The following REEP5 variants were observed in gnomAD, a reference collection of about 807,000 sequenced individuals.
REEP5 encodes the protein receptor accessory protein 5.
A neutral mutation model predicts 22.4 loss-of-function variants in REEP5; 24 were observed. That is an observed-to-expected ratio of 1.07 (90% confidence interval 0.78 to 1.51). The LOEUF is 1.51. REEP5 is among the 40% of genes most tolerant of loss of function. The probability of loss-of-function intolerance (pLI) is 0.00; values close to 1 mark genes in which losing one functional copy is unlikely to be tolerated. For missense variants in REEP5, 252 were observed against 233.0 expected (o/e 1.08, Z -0.53); for synonymous variants, 103 against 88.6 (o/e 1.16, Z -0.92).
At chr5:112,908,405 G>A (rs944703138) in intron 2 of REEP5, among the ~76,000 whole-genome samples, 1 of 152,092 alleles carries the variant, frequency 6.6e-6, no homozygotes, top group Non-Finnish European at 1.5e-5. Context: ...GCCTGGCTGA[G>A]CATCAGACTT....
intron 2 of REEP5, among the ~76,000 whole-genome samples, chr5:112,909,335 T>C (rs1190305002): frequency 6.6e-6 from 1 of 151,148 alleles, no homozygotes; most frequent in Non-Finnish European, 1.5e-5. Flanking sequence ...TTAACAGGTA[T>C]TAATTATAGT....
intron 3 of REEP5, chr5:112,892,958 G>A (rs775317900): frequency 4.4e-6 from 7 of 1,594,102 alleles, no homozygotes; most frequent in Middle Eastern, 1.7e-4. Context: ...GACCAGGGCC[G>A]CCGGAGCCAG....
chr5:112,891,662 C>T (rs1294597665), intron 3 of REEP5: 11 of 1,611,652 alleles, frequency 6.8e-6, no homozygotes, highest in East Asian at 4.5e-5. Flanking sequence ...GAGAAGATGA[C>T]GTTTCCCAAG....
At chr5:112,915,769 A>C (rs1403710832) in intron 2 of REEP5, among the ~76,000 whole-genome samples, 3 of 152,176 alleles carry the variant, frequency 2.0e-5, no homozygotes, top group African/African-American at 7.2e-5. Context: ...AACAAAGCAC[A>C]TATAGATCCA....
chr5:112,891,826 C>G (rs1484750380), intron 3 of REEP5: 8 of 1,578,044 alleles, frequency 5.1e-6, no homozygotes, highest in Non-Finnish European at 7.0e-6. Flanking sequence ...AGAACAACAA[C>G]TAGAAGAAGA....
chr5:112,915,571 A>T (rs1184496105), intron 2 of REEP5, among the ~76,000 whole-genome samples: 1 of 152,248 alleles, frequency 6.6e-6, no homozygotes, highest in Non-Finnish European at 1.5e-5. Flanking sequence ...AATGCTTAAG[A>T]TTTCAGATTT....
At chr5:112,901,659 C>T (rs1276825381) in intron 3 of REEP5, among the ~76,000 whole-genome samples, 2 of 150,416 alleles carry the variant, frequency 1.3e-5, no homozygotes, top group South Asian at 2.1e-4. Context: ...TTGCAGTGAG[C>T]GGAGATTGTA....
intron 3 of REEP5, among the ~76,000 whole-genome samples, chr5:112,900,602 G>T (rs1340392307): frequency 6.6e-6 from 1 of 152,026 alleles, no homozygotes; most frequent in Non-Finnish European, 1.5e-5. Flanking sequence ...GGGGTAGAAG[G>T]GGACTGTACA....
At chr5:112,920,168 G>A (rs552118539) in intron 2 of REEP5, among the ~76,000 whole-genome samples, 3 of 152,248 alleles carry the variant, frequency 2.0e-5, no homozygotes, top group Non-Finnish European at 2.9e-5. Flanking sequence ...ACAACTACTA[G>A]GTAACTGCAA....
At chr5:112,906,545 A>C (rs1768959682) in intron 2 of REEP5, among the ~76,000 whole-genome samples, 1 of 152,156 alleles carries the variant, frequency 6.6e-6, no homozygotes, top group African/African-American at 2.4e-5. Context: ...TCATAGTCTC[A>C]GTGTCCAGAT....
At chr5:112,904,963 T>C (rs1407666639) in intron 2 of REEP5, among the ~76,000 whole-genome samples, 1 of 152,126 alleles carries the variant, frequency 6.6e-6, no homozygotes, top group Non-Finnish European at 1.5e-5. Context: ...TGATCACAAC[T>C]TTGCAGAAAA....
chr5:112,879,328 G>T (rs1419358050), intron 4 of REEP5, among the ~76,000 whole-genome samples: 1 of 37,184 alleles, frequency 2.7e-5, no homozygotes, highest in Non-Finnish European at 4.6e-5. Context: ...ATGTGTTTGG[G>T]GGGGGGGGCT....
At chr5:112,919,172 G>C (rs536371594) in intron 2 of REEP5, among the ~76,000 whole-genome samples, 1 of 152,282 alleles carries the variant, frequency 6.6e-6, no homozygotes, top group Non-Finnish European at 1.5e-5. Context: ...TCTGAATGTT[G>C]TGTTCCCCCA....
intron 3 of REEP5, chr5:112,896,329 G>A (rs527560213): frequency 2.0e-5 from 3 of 152,466 alleles, no homozygotes; most frequent in Non-Finnish European, 4.4e-5. Flanking sequence ...TTTGAGACCA[G>A]CCTGGCCAAC....
chr5:112,892,631 G>A lies in REEP5; in HGVS notation c.352-5448C>T, dbSNP rs747921634. On this transcript the variant is annotated intron_variant, in intron 3 of 4. Transcript: ENST00000379638. ...CAACAATGTCCAAGAGGAAAACACT[G>A]CAACTTTCTTCATGTGTTCAGAAAT... 5 of 1,614,020 alleles carry A rather than the reference G, an allele frequency of 3.1e-6. No individual in the cohort carries two copies. In the African/African-American group the frequency reaches 6.7e-5, roughly 22 times the overall value.
intron 3 of REEP5, among the ~76,000 whole-genome samples, chr5:112,899,876 C>T (rs1768803289): frequency 6.6e-6 from 1 of 152,186 alleles, no homozygotes; most frequent in Non-Finnish European, 1.5e-5. Context: ...CATACCAAAT[C>T]AGAAACTCTA....
At chr5:112,914,681 G>A (rs1769193255) in intron 2 of REEP5, among the ~76,000 whole-genome samples, 1 of 152,132 alleles carries the variant, frequency 6.6e-6, no homozygotes, top group African/African-American at 2.4e-5. Flanking sequence ...AACTTAGAAG[G>A]GGAACAACCT....
intron 2 of REEP5, among the ~76,000 whole-genome samples, chr5:112,920,679 G>A (rs2150049764): frequency 6.6e-6 from 1 of 152,236 alleles, no homozygotes; most frequent in South Asian, 2.1e-4. Flanking sequence ...TCTGTAACAT[G>A]TGGCTTTTTC....
At chr5:112,913,536 TAAAAAAA>T (rs148324454) in intron 2 of REEP5, among the ~76,000 whole-genome samples, 5 of 65,438 alleles carry the variant, frequency 7.6e-5, no homozygotes, top group Admixed American at 2.0e-4. Context: ...TGACCCTGGC[TAAAAAAA>T]AAAAAAAAAA....
Sources: allele counts gnomAD v4.1 joint callset (sites outside exome capture counted in the v4.1 genomes callset), GRCh38; gene constraint gnomAD v4.1.1; transcripts MANE v1.5; gene names NCBI Gene and HGNC (gene_info 2026-07-23, HGNC 2026-07-21).